Variants in DYNC1LI2 observed in about 807,000 individuals in gnomAD.
DYNC1LI2 encodes cytoplasmic dynein 1 light intermediate chain 2.
Under a neutral mutation model 57.8 loss-of-function variants are expected in DYNC1LI2, and 19 were observed. The observed-to-expected ratio is 0.33, with a 90% CI of 0.23 to 0.48. The LOEUF is 0.48. Among genes scored for constraint, DYNC1LI2 ranks in the 20% least tolerant of loss-of-function variants. The pLI, the probability that DYNC1LI2 is intolerant of heterozygous loss-of-function variation, is 0.99. For missense variants in DYNC1LI2, 470 were observed against 604.2 expected (o/e 0.78, Z 2.33); for synonymous variants, 256 against 233.4 (o/e 1.10, Z -0.88).
At chr16:66,739,721 C>A (rs1369225278) in intron 4 of DYNC1LI2, among the ~76,000 whole-genome samples, 1 of 152,148 alleles carries the variant, frequency 6.6e-6, no homozygotes, top group Non-Finnish European at 1.5e-5. Flanking sequence ...AGCCACTGCG[C>A]CTGGCCAACT....
Position 66,723,475 on chromosome 16 carries a change from G to T in DYNC1LI2, c.*247C>A. 1.7e-6 allele frequency: 1 copy of T among 594,156 alleles called. No individual in the cohort carries two copies. 36.8% of individuals were successfully genotyped at this position (594,156 alleles called of 1,614,324 possible). ...CTCCACAAGAAGCCCAGATGTGCTT[G>T]CCTCCCACAAAAGAGCCACATGCCC... is the stretch of plus-strand genomic sequence containing the variant. On this transcript the variant is annotated 3_prime_UTR_variant, in exon 13 of 13. Coordinates refer to ENST00000258198, the MANE Select transcript of DYNC1LI2 (RefSeq NM_006141.3).
At chr16:66,749,057 A>G in intron 3 of DYNC1LI2, 140 bp downstream of exon 3, 1 of 811,766 alleles carries the variant, frequency 1.2e-6, no homozygotes, top group Non-Finnish European at 2.0e-6. Context: ...AAAGATACGT[A>G]CTTCATCTAT....
chr16:66,738,432 A>C (rs1025680905), intron 4 of DYNC1LI2: 2 of 151,250 alleles, frequency 1.3e-5, no homozygotes, highest in African/African-American at 4.9e-5. Flanking sequence ...TTGTATTTTT[A>C]GTAGAGACAG....
intron 5 of DYNC1LI2, among the ~76,000 whole-genome samples, chr16:66,735,670 C>CT (rs1379705457): frequency 6.6e-6 from 1 of 151,990 alleles, no homozygotes; most frequent in African/African-American, 2.4e-5. Flanking sequence ...CCACGGCTGT[C>CT]TAATTTTTTG....
chr16:66,736,259 G>GA lies in DYNC1LI2; in HGVS notation c.530-16_530-15insT. On this transcript the variant is annotated splice_polypyrimidine_tract_variant and intron_variant, in intron 4 of 12. Coordinates refer to ENST00000258198, the MANE Select transcript of DYNC1LI2 (RefSeq NM_006141.3). ...ATCTTTCACAACTGGGGGAAAAAGA[G>GA]GAAAAAAAATCACATGCACATAAAT... 1 of 1,599,242 alleles carries GA rather than the reference G, an allele frequency of 6.3e-7. No homozygotes were observed. Among genetic ancestry groups the GA allele is most frequent in the Non-Finnish European group, 8.5e-7 (1 of 1,172,798 alleles).
chr16:66,734,971 T>C (rs1443446669), intron 5 of DYNC1LI2, among the ~76,000 whole-genome samples: 2 of 99,294 alleles, frequency 2.0e-5, no homozygotes, highest in African/African-American at 4.3e-5. Context: ...TACTCCAGCC[T>C]GGGCAACAAG....
At chr16:66,738,060 C>G (rs2017767325) in intron 4 of DYNC1LI2, among the ~76,000 whole-genome samples, 1 of 152,150 alleles carries the variant, frequency 6.6e-6, no homozygotes, top group Non-Finnish European at 1.5e-5. Context: ...TCCTCTTCAC[C>G]CACAGAACAC....
chr16:66,751,389 G>T lies in DYNC1LI2; in HGVS notation c.108-43C>A. The T allele has an allele frequency of 6.2e-7, 1 of 1,600,598 alleles. No individual in the cohort carries two copies. The highest frequency in any genetic ancestry group is 8.5e-7 in the Non-Finnish European group (1 of 1,174,746). On this transcript the variant is annotated intron_variant, in intron 1 of 12. Transcript: ENST00000258198. This position sits in a 1 kb window ranked among gnomAD's most constrained non-coding sequence, Gnocchi z 5.2. ...AGAGTGGTCAGCCCCGGGCCGGGCT[G>T]GGATGGCCCGGCTCGCGTCGGCCCC...
Position 66,751,242 on chromosome 16 carries a change from C to T in DYNC1LI2, c.181+31G>A. Reference sequence around the variant, plus strand: ...GCGCCCGCCTCGCCCACCCCAGCGACCTGGGGCAACGCCCCGCCGCCGGCG... The same window carrying T: ...GCGCCCGCCTCGCCCACCCCAGCGATCTGGGGCAACGCCCCGCCGCCGGCG... On this transcript the variant is annotated intron_variant, in intron 2 of 12. Coordinates refer to ENST00000258198, the MANE Select transcript of DYNC1LI2 (RefSeq NM_006141.3). The surrounding 1 kb of genome is among the most constrained non-coding windows in gnomAD (Gnocchi z 5.2). The T allele has an allele frequency of 6.2e-7, 1 of 1,606,316 alleles. No homozygotes were observed. Among genetic ancestry groups the T allele is most frequent in the Admixed American group, 1.7e-5 (1 of 59,480 alleles).
intron 7 of DYNC1LI2, 86 bp from the exon 8 acceptor site, chr16:66,730,309 G>C (rs1596987971): frequency 8.7e-7 from 1 of 1,149,616 alleles, no homozygotes; most frequent in East Asian, 2.5e-5. Flanking sequence ...TCCTGGGTAG[G>C]ACACTTCTCA....
In DYNC1LI2 at chr16:66,749,380, C is replaced by T. The variant is rs2017999919; in HGVS notation, c.182-67G>A. The T allele has an allele frequency of 5.6e-6, 8 of 1,432,948 alleles. No individual in the cohort carries two copies. The East Asian group carries it at 1.8e-4, about 33-fold the overall frequency. 88.8% of individuals were successfully genotyped at this position (1,432,948 alleles called of 1,614,324 possible). A position where few individuals can be genotyped will look rare whatever the true frequency, so the allele number is the denominator to read the frequency against. On this transcript the variant is annotated intron_variant, in intron 2 of 12. Transcript: ENST00000258198. Reference sequence around the variant, plus strand: ...CGGGCAAGGATGGGGAGGCATGACACTCACATGACACGGAGAAACTAAGAA... The same window carrying T: ...CGGGCAAGGATGGGGAGGCATGACATTCACATGACACGGAGAAACTAAGAA...
At chr16:66,727,137 C>T (rs1164518118) in intron 11 of DYNC1LI2, among the ~76,000 whole-genome samples, 4 of 152,138 alleles carry the variant, frequency 2.6e-5, no homozygotes, top group Admixed American at 6.5e-5. Flanking sequence ...GGGCTAGTCT[C>T]GAACTCTTTA....
At chr16:66,734,826 C>T (rs1047688188) in intron 5 of DYNC1LI2, among the ~76,000 whole-genome samples, 1 of 151,454 alleles carries the variant, frequency 6.6e-6, no homozygotes, top group Non-Finnish European at 1.5e-5. Context: ...GAGAAACCCA[C>T]ATCTCTAATA....
At chr16:66,734,997 CAAAAA>C (rs377398071) in intron 5 of DYNC1LI2, among the ~76,000 whole-genome samples, 8 of 38,570 alleles carry the variant, frequency 2.1e-4, no homozygotes, top group Middle Eastern at 0.025. Context: ...AACTCCGTCT[CAAAAA>C]AAAAAAAAAA....
intron 11 of DYNC1LI2, 40 bp from the exon 12 acceptor site, chr16:66,725,984 T>A: frequency 6.3e-7 from 1 of 1,594,070 alleles, no homozygotes; most frequent in Admixed American, 1.8e-5. Flanking sequence ...TCATATAAAC[T>A]GGAAGACTTA....
chr16:66,750,778 G>A (rs890587578), intron 2 of DYNC1LI2, among the ~76,000 whole-genome samples: 1 of 152,138 alleles, frequency 6.6e-6, no homozygotes, highest in Non-Finnish European at 1.5e-5. Context: ...CCTGACTCAG[G>A]TAACCTAGCA....
intron 4 of DYNC1LI2, among the ~76,000 whole-genome samples, chr16:66,740,544 C>T (rs1179333303): frequency 6.6e-6 from 1 of 152,206 alleles, no homozygotes; most frequent in Non-Finnish European, 1.5e-5. Context: ...GGACATGGTT[C>T]CAGCAATTGC....
rs546645655 is a variant in DYNC1LI2 at position 66,721,809 on chromosome 16, A to C, written c.*1913T>G. ...AAATTTTGCATTAAAATTTAAAATT[A>C]TACCATATTCCTCTTCGGCATGTGC... On this transcript the variant is annotated 3_prime_UTR_variant, in exon 13 of 13. Coordinates refer to ENST00000258198, the MANE Select transcript of DYNC1LI2 (RefSeq NM_006141.3). The C allele has an allele frequency of 6.5e-6, 1 of 152,780 alleles. No individual in the cohort carries two copies. Among genetic ancestry groups the C allele is most frequent in the East Asian group, 1.9e-4 (1 of 5,194 alleles). 9.5% of individuals were successfully genotyped at this position (152,780 alleles called of 1,614,324 possible).
intron 3 of DYNC1LI2, among the ~76,000 whole-genome samples, chr16:66,743,505 G>A (rs1334425594): frequency 7.0e-6 from 1 of 141,922 alleles, no homozygotes; most frequent in Non-Finnish European, 1.5e-5. Flanking sequence ...ATGTTGCAGT[G>A]AGTCGAGATC....
Sources: allele counts gnomAD v4.1 joint callset (sites outside exome capture counted in the v4.1 genomes callset), GRCh38; gene constraint gnomAD v4.1.1; non-coding constraint Gnocchi (gnomAD v3.1); transcripts MANE v1.5; gene names NCBI Gene and HGNC (gene_info 2026-07-23, HGNC 2026-07-21).